The following SLC35F5 variants were observed in gnomAD, a reference collection of about 807,000 sequenced individuals.
The protein encoded by SLC35F5 is HCV NS5A-transactivated protein 3.
Under a neutral mutation model 68.6 loss-of-function variants are expected in SLC35F5, and 54 were observed. The ratio of observed to expected loss-of-function variants is 0.79; its 90% CI spans 0.63 to 0.99. SLC35F5 has a LOEUF of 0.99. Ranked by LOEUF, SLC35F5 falls within the 50% of genes least tolerant of loss-of-function variation. The pLI is 0.00. For synonymous variants in SLC35F5, 211 were observed against 205.2 expected (o/e 1.03, Z -0.24); for missense variants, 567 against 626.9 (o/e 0.90, Z 1.02).
chr2:113,732,186 A>T (rs997880460), intron 9 of SLC35F5, among the ~76,000 whole-genome samples: 1 of 152,162 alleles, frequency 6.6e-6, no homozygotes, highest in Admixed American at 6.6e-5. Context: ...TGCTTAAACA[A>T]TTTCACTAAT....
At chr2:113,748,535 T>G (rs1676605774) in intron 4 of SLC35F5, among the ~76,000 whole-genome samples, 1 of 152,204 alleles carries the variant, frequency 6.6e-6, no homozygotes, top group African/African-American at 2.4e-5. Context: ...GTCAAAATAT[T>G]ATCAGTGGTT....
chr2:113,747,513 A>C (rs533097731), intron 4 of SLC35F5, among the ~76,000 whole-genome samples: 1 of 152,316 alleles, frequency 6.6e-6, no homozygotes, highest in Non-Finnish European at 1.5e-5. Flanking sequence ...CTAACAAATC[A>C]GTAATAAAAA....
chr2:113,734,191 A>C (rs1260018374), intron 9 of SLC35F5, among the ~76,000 whole-genome samples: 2 of 152,246 alleles, frequency 1.3e-5, no homozygotes, highest in Non-Finnish European at 2.9e-5. Context: ...GAGAAAACTG[A>C]ATGTTAGCTT....
rs1574270877 is a variant in SLC35F5 at position 113,750,538 on chromosome 2, A to T, written c.304T>A (p.Phe102Ile). 6.2e-7 allele frequency: 1 copy of T among 1,612,376 alleles called. No homozygotes were observed. The highest frequency in any genetic ancestry group is 8.5e-7 in the Non-Finnish European group (1 of 1,179,294). The change falls in exon 4 of 16, where the codon TTC becomes ATC. Residue 102 changes from phenylalanine to isoleucine, a missense_variant. Transcript: ENST00000245680. ...YVFTQYNKPF[F>I]STFAKTSMFV... Reference sequence around the variant, plus strand: ...ATAGATGTTTTTGCAAAGGTGCTGAAGAATGGTTTGTTGTACTGGGTAAAA... The same window carrying T: ...ATAGATGTTTTTGCAAAGGTGCTGATGAATGGTTTGTTGTACTGGGTAAAA...
intron 4 of SLC35F5, 103 bp from the exon 5 acceptor site, chr2:113,746,442 C>G: frequency 1.2e-6 from 1 of 817,760 alleles, no homozygotes; most frequent in Non-Finnish European, 2.1e-6. Flanking sequence ...CCAGAATCAA[C>G]CTGTAAGACT....
intron 14 of SLC35F5, among the ~76,000 whole-genome samples, chr2:113,718,881 GAAA>G (rs1687290707): frequency 7.3e-5 from 3 of 40,906 alleles, no homozygotes; most frequent in African/African-American, 1.9e-4. Context: ...AAGAAAGAAA[GAAA>G]GAAAGAAAGA....
chr2:113,740,293 C>G (rs780812614), intron 7 of SLC35F5, among the ~76,000 whole-genome samples: 25 of 152,134 alleles, frequency 1.6e-4, no homozygotes, highest in Non-Finnish European at 3.2e-4. Context: ...ACAACTCATC[C>G]GTAGGCAGAA....
At chr2:113,753,367 G>A (rs1333574088) in intron 3 of SLC35F5, among the ~76,000 whole-genome samples, 1 of 151,744 alleles carries the variant, frequency 6.6e-6, no homozygotes, top group African/African-American at 2.4e-5. Context: ...AGTAGAGACT[G>A]AGTTTCACCA....
chr2:113,723,188 G>A lies in SLC35F5; in HGVS notation c.1257C>T (p.Cys419=). The change falls in exon 13 of 16, where the codon TGC becomes TGT. Residue 419 remains cysteine, a synonymous_variant. Transcript: ENST00000245680. The part of the protein sequence containing the change: ...VLSEFLWLWG[C]FLTSSLIGTL... ...TGCCTATCAATGATGAGGTAAGAAA[G>A]CAGCCCCTAAAAAAAAGAAAATATA... 1 of 1,574,998 alleles carries A rather than the reference G, an allele frequency of 6.3e-7. No individual in the cohort carries two copies. Among genetic ancestry groups the A allele is most frequent in the Non-Finnish European group, 8.6e-7 (1 of 1,163,102 alleles).
chr2:113,705,777 G>GAGTATTTTTA (rs1372457645), downstream of SLC35F5, among the ~76,000 whole-genome samples: 144 of 152,194 alleles, frequency 9.5e-4, 1 homozygote, highest in African/African-American at 3.2e-3. Flanking sequence ...CTTTCCCAAA[G>GAGTATTTTTA]CTTCTATGAA....
intron 7 of SLC35F5, among the ~76,000 whole-genome samples, chr2:113,741,147 A>G (rs1270686798): frequency 6.6e-6 from 1 of 152,230 alleles, no homozygotes; most frequent in Non-Finnish European, 1.5e-5. Context: ...ATGAACCTGG[A>G]GGACATTATG....
At chr2:113,728,029 T>C (rs544804557) in intron 11 of SLC35F5, among the ~76,000 whole-genome samples, 1 of 152,306 alleles carries the variant, frequency 6.6e-6, no homozygotes, top group East Asian at 1.9e-4. Context: ...TCTTACTCTG[T>C]TACCCAGGCT....
rs113587587 is a variant in SLC35F5, at chr2:113,717,884, C to G, written c.1497-34G>C. Reference sequence around the variant, plus strand: ...AAAAAAAAGCAGTAATTAAGGAAAGCTTTAGAGCTGAAAAGGAACCTCAAA... The same window carrying G: ...AAAAAAAAGCAGTAATTAAGGAAAGGTTTAGAGCTGAAAAGGAACCTCAAA... On this transcript the variant is annotated intron_variant, in intron 14 of 15. Coordinates refer to ENST00000245680, the MANE Select transcript of SLC35F5 (RefSeq NM_025181.5). 19 of 1,507,332 alleles carry G rather than the reference C, an allele frequency of 1.3e-5. No homozygotes were observed. The African/African-American group carries it at 1.4e-4, about 11-fold the overall frequency. The allele number at this position is 1,507,332 out of a possible 1,614,324, so 93.4% of individuals were successfully genotyped here. A position where few individuals can be genotyped will look rare whatever the true frequency, so the allele number is the denominator to read the frequency against.
rs1007547164 is a variant in SLC35F5 at position 113,711,406 on chromosome 2, T to C, written c.*3812A>G. Among the ~76,000 whole-genome samples the C allele has an allele frequency of 2.0e-5, 3 of 152,164 alleles. No homozygotes were observed. Among genetic ancestry groups the C allele is most frequent in the East Asian group, 1.9e-4 (1 of 5,202 alleles). ...AACATTAAAATATTAAAATATCCCG[T>C]TTATTAAAGGCTCTTAAGATTTAAA... is the stretch of plus-strand genomic sequence containing the variant. On this transcript the variant is annotated 3_prime_UTR_variant, in exon 16 of 16. Transcript: ENST00000245680.
At position 113,714,176 on chromosome 2, in the gene SLC35F5, G is replaced by A. The variant is rs1687092519; in HGVS notation, c.*1042C>T. ...ATAATCTTAGTAGAGGAAAAGTTCT[G>A]ATGTGATTTTAAAAACAGAATCCCT... On this transcript the variant is annotated 3_prime_UTR_variant, in exon 16 of 16. Transcript: ENST00000245680. 1 of 152,078 alleles carries A rather than the reference G, an allele frequency of 6.6e-6. No individual in the cohort carries two copies. The highest frequency in any genetic ancestry group is 2.1e-4 in the South Asian group (1 of 4,824). The allele number at this position is 152,078 out of a possible 1,614,324, so 9.4% of individuals were successfully genotyped here.
rs1687014537 is a variant in SLC35F5, at chr2:113,712,279, T to C, written c.*2939A>G. ...GTATGGGTGCATTACATAAACCTAATGGTTCTTCTAAGCTTCAAAAAGCAT... is the reference window on the plus strand; with the variant it reads ...GTATGGGTGCATTACATAAACCTAACGGTTCTTCTAAGCTTCAAAAAGCAT... On this transcript the variant is annotated 3_prime_UTR_variant, in exon 16 of 16. Transcript: ENST00000245680. Among the ~76,000 whole-genome samples, 1 of 152,192 alleles carries C rather than the reference T, an allele frequency of 6.6e-6. No individual in the cohort carries two copies. The highest frequency in any genetic ancestry group is 6.5e-5 in the Admixed American group (1 of 15,284).
chr2:113,743,222 T>C (rs1383273200), intron 6 of SLC35F5, among the ~76,000 whole-genome samples: 1 of 152,204 alleles, frequency 6.6e-6, no homozygotes, highest in Non-Finnish European at 1.5e-5. Context: ...TTTGGATTTT[T>C]CCTCACGCAT....
Position 113,725,375 on chromosome 2 carries a change from T to C in SLC35F5, c.1250+3A>G. On this transcript the variant is annotated splice_donor_region_variant and intron_variant, in intron 12 of 15. Transcript: ENST00000245680. Reference sequence around the variant, plus strand: ...TAATAATTGGAGAATAAACAGTACATACCACAACCACAGGAACTCTGAGAG... The same window carrying C: ...TAATAATTGGAGAATAAACAGTACACACCACAACCACAGGAACTCTGAGAG... 6.3e-7 allele frequency: 1 copy of C among 1,598,316 alleles called. No homozygotes were observed.
intron 10 of SLC35F5, among the ~76,000 whole-genome samples, 157 bp downstream of exon 10, chr2:113,731,427 C>T (rs528089201): frequency 6.6e-6 from 1 of 152,228 alleles, no homozygotes; most frequent in East Asian, 1.9e-4. Context: ...ATTCACTAAA[C>T]TATTTACGCA....
Sources: allele counts gnomAD v4.1 joint callset (sites outside exome capture counted in the v4.1 genomes callset), GRCh38; gene constraint gnomAD v4.1.1; transcripts MANE v1.5; gene names NCBI Gene and HGNC (gene_info 2026-07-23, HGNC 2026-07-21).